Variants in DMD observed in about 807,000 individuals in gnomAD.
DMD encodes the protein dystrophin, also known as mutant dystrophin.
A neutral mutation model predicts 330.1 loss-of-function variants in DMD; 63 were observed. That is an observed-to-expected ratio of 0.19 (90% CI 0.16 to 0.24). The LOEUF (loss-of-function observed/expected upper bound fraction) is 0.24. Among genes scored for constraint, DMD ranks in the 10% least tolerant of loss-of-function variants. The pLI, the probability that DMD is intolerant of heterozygous loss-of-function variation, is 1.00. For synonymous variants in DMD, 1,223 were observed against 959.8 expected (o/e 1.27, Z -5.07); for missense variants, 3,344 against 2,684.1 (o/e 1.25, Z -5.43).
intron 7 of DMD, among the ~76,000 whole-genome samples, chrX:32,727,691 G>T (rs1367687669): frequency 9.0e-6 from 1 of 110,709 alleles, no homozygotes; most frequent in East Asian, 2.8e-4. Flanking sequence ...ATTTGTTGAT[G>T]ATTTTCTCTT....
intron 2 of DMD, among the ~76,000 whole-genome samples, chrX:32,925,145 G>GTTTTTTTTTTT (rs777224221): frequency 4.3e-4 from 21 of 48,525 alleles, no homozygotes; most frequent in African/African-American, 1.7e-3. Flanking sequence ...AAAACTCTGG[G>GTTTTTTTTTTT]TTTTTTTTTT....
intron 41 of DMD, among the ~76,000 whole-genome samples, chrX:32,314,182 C>T (rs943346080): frequency 1.8e-5 from 2 of 111,585 alleles, no homozygotes; most frequent in African/African-American, 3.3e-5. Flanking sequence ...ACAGATTATA[C>T]TGATAGCAAA....
intron 44 of DMD, among the ~76,000 whole-genome samples, chrX:32,199,781 TGTGTGTGTGTGTGTGTGTGTGTGTGTG>T (rs1306284662): frequency 1.2e-3 from 2 of 1,727 alleles, no homozygotes; most frequent in Non-Finnish European, 2.8e-3. Flanking sequence ...GCAAGGCTTT[TGTGTGTGTGTGTGTGTGTGTGTGTGTG>T]TGTGTGTGTG....
chrX:31,522,271 G>A (rs1267695677), intron 55 of DMD, among the ~76,000 whole-genome samples: 1 of 104,335 alleles, frequency 9.6e-6, no homozygotes, highest in Non-Finnish European at 1.9e-5. Flanking sequence ...TAACTCCGGA[G>A]GGAAGAGGGG....
At chrX:33,042,821 A>G (rs1244459154) in intron 1 of DMD, among the ~76,000 whole-genome samples, 1 of 111,947 alleles carries the variant, frequency 8.9e-6, no homozygotes, top group Non-Finnish European at 1.9e-5. Context: ...TGAGTTATCT[A>G]AAGTTTACAT....
intron 70 of DMD, chrX:31,178,430 T>C (rs2148286293): frequency 1.1e-6 from 1 of 935,998 alleles, no homozygotes; most frequent in South Asian, 4.2e-5. Flanking sequence ...TATTGTGTTG[T>C]GGTTTTTTTT....
rs149371344 is a variant in DMD, at chrX:31,618,413, T to C, written c.8217+9260A>G. Among the ~76,000 whole-genome samples the C allele has an allele frequency of 3.9e-4, 44 of 111,619 alleles. No homozygotes were observed. In the East Asian group the frequency reaches 0.012, roughly 31 times the overall value. ...GGGCAATGAGGACTTGATAAAAATA[T>C]TTGCATTTGGTAGTTATGGTGATTT... On this transcript the variant is annotated intron_variant, in intron 55 of 78. Coordinates refer to ENST00000357033, the MANE Select transcript of DMD (RefSeq NM_004006.3).
At chrX:32,262,493 T>G (rs1042843258) in intron 43 of DMD, among the ~76,000 whole-genome samples, 1 of 111,999 alleles carries the variant, frequency 8.9e-6, no homozygotes, top group African/African-American at 3.2e-5. Context: ...GTGTAGCTTA[T>G]TGTATATCAT....
intron 2 of DMD, among the ~76,000 whole-genome samples, chrX:32,953,498 A>G (rs1281655745): frequency 5.3e-5 from 6 of 112,184 alleles, no homozygotes; most frequent in Non-Finnish European, 1.1e-4. Flanking sequence ...TCATTGGTGT[A>G]TATAACCAGA....
chrX:32,895,206 T>A (rs2085594222), intron 2 of DMD, among the ~76,000 whole-genome samples: 1 of 112,335 alleles, frequency 8.9e-6, no homozygotes, highest in Non-Finnish European at 1.9e-5. Flanking sequence ...GGCTTCAGCA[T>A]ATGAATTTGG....
intron 60 of DMD, among the ~76,000 whole-genome samples, chrX:31,427,538 G>C (rs190015370): frequency 5.4e-5 from 6 of 111,857 alleles, no homozygotes; most frequent in African/African-American, 1.9e-4. Context: ...TGAACTTCAT[G>C]CAAAAGTGAT....
chrX:32,419,744 C>G (rs1362129895), intron 29 of DMD, among the ~76,000 whole-genome samples: 4 of 111,608 alleles, frequency 3.6e-5, no homozygotes, highest in African/African-American at 1.3e-4. Flanking sequence ...ATAGGAACTT[C>G]ACCTGTTTTA....
chrX:31,762,114 A>G (rs777317166), intron 51 of DMD, among the ~76,000 whole-genome samples: 163 of 112,587 alleles, frequency 1.4e-3, no homozygotes, highest in African/African-American at 5.2e-3. Context: ...GCACTGTTCA[A>G]GTAGAAACTC....
In DMD at chrX:32,974,479, A is replaced by T. The variant is rs1285174104; in HGVS notation, c.93+45660T>A. ...TATCTTAATAAAGCTGCTGTAACAA[A>T]ATCCCCAGGATATCCCATTTCTAAA... On this transcript the variant is annotated intron_variant, in intron 2 of 78. Coordinates refer to ENST00000357033, the MANE Select transcript of DMD (RefSeq NM_004006.3). Among the ~76,000 whole-genome samples, 6 of 111,824 alleles carry T rather than the reference A, an allele frequency of 5.4e-5. No homozygotes were observed. The South Asian group carries it at 1.1e-3, about 21-fold the overall frequency.
intron 9 of DMD, among the ~76,000 whole-genome samples, chrX:32,659,912 T>C (rs2060835194): frequency 9.0e-6 from 1 of 110,933 alleles, no homozygotes; most frequent in Admixed American, 9.6e-5. Flanking sequence ...TTTCAAAGAA[T>C]GGTATTAATT....
intron 1 of DMD, among the ~76,000 whole-genome samples, chrX:33,311,345 A>G (rs2053846482): frequency 9.1e-6 from 1 of 110,411 alleles, no homozygotes; most frequent in Non-Finnish European, 1.9e-5. Context: ...ACACTTATCT[A>G]TAATATATAT....
rs72625578 is a variant in DMD, at chrX:31,370,715, C to T, written c.9085-22081G>A. Among the ~76,000 whole-genome samples, 4 of 112,328 alleles carry T rather than the reference C, an allele frequency of 3.6e-5. No individual in the cohort carries two copies. The East Asian group carries it at 8.4e-4, about 23-fold the overall frequency. On this transcript the variant is annotated intron_variant, in intron 60 of 78. Coordinates refer to ENST00000357033, the MANE Select transcript of DMD (RefSeq NM_004006.3). ...TCAGGGAAATAAAAACTTATGTTCACACAAAAACCTGTACATTAATGTTGG... is the reference window on the plus strand; with the variant it reads ...TCAGGGAAATAAAAACTTATGTTCATACAAAAACCTGTACATTAATGTTGG...
intron 7 of DMD, among the ~76,000 whole-genome samples, chrX:32,798,792 C>T (rs2076348236): frequency 1.8e-5 from 2 of 111,135 alleles, no homozygotes; most frequent in Admixed American, 9.6e-5. Context: ...GAGTTCTAGA[C>T]AAAAATCAAT....
At chrX:31,364,309 C>T (rs1350321579) in intron 60 of DMD, among the ~76,000 whole-genome samples, 2 of 111,961 alleles carry the variant, frequency 1.8e-5, no homozygotes. Context: ...GCATGTGACC[C>T]AATTTGGGCC....
Sources: gnomAD v4.1 joint callset for allele counts (sites outside exome capture counted in the v4.1 genomes callset) on GRCh38, gnomAD v4.1.1 for gene constraint, MANE v1.5 for transcripts, NCBI Gene and HGNC (gene_info 2026-07-23, HGNC 2026-07-21) for gene names.